The following CCDC66 variants were observed in gnomAD, a reference collection of about 807,000 sequenced individuals.
CCDC66 encodes coiled-coil domain containing 66, also known as coiled-coil domain-containing protein 66.
Under a neutral mutation model 128.3 loss-of-function variants are expected in CCDC66, and 133 were observed. The observed-to-expected ratio is 1.04, with a 90% CI of 0.90 to 1.20. The LOEUF (loss-of-function observed/expected upper bound fraction) is 1.20, where lower values mean the gene tolerates loss of function less well. Ranked by LOEUF, CCDC66 falls within the 50% of genes most tolerant of loss-of-function variation. The pLI, the probability that CCDC66 is intolerant of heterozygous loss-of-function variation, is 0.00. For synonymous variants in CCDC66, 387 were observed against 357.0 expected, an observed-to-expected ratio of 1.08 and a Z score of -0.95; for missense variants, 1,126 against 1,075.5, an observed-to-expected ratio of 1.05 and a Z score of -0.66.
In CCDC66 at chr3:56,618,197, C is replaced by A; in HGVS notation, c.2363C>A (p.Ser788Ter). The change falls in exon 15 of 18, where the codon TCA becomes TAA. Residue 788 changes from serine to a stop codon, truncating the protein, a stop_gained. Coordinates refer to ENST00000394672, the MANE Select transcript of CCDC66 (RefSeq NM_001141947.3). LOFTEE classifies it high-confidence loss of function. The stretch of plus-strand genomic sequence containing the variant: ...GAAGAAGAGCCTCTGAATATTCATT[C>A]ATTCAGCAAGGAAAGGTAAGTATGC... ...KKEEEPLNIH[S>*]FSKERSPSSP... 6.2e-7 allele frequency: 1 copy of A among 1,613,014 alleles called. No homozygotes were observed. The highest frequency in any genetic ancestry group is 8.5e-7 in the Non-Finnish European group (1 of 1,179,060).
chr3:56,615,865 A>T, intron 12 of CCDC66, 57 bp from the exon 13 acceptor site: 1 of 1,446,662 alleles, frequency 6.9e-7, no homozygotes, highest in South Asian at 1.2e-5. Flanking sequence ...GCTGCTATAC[A>T]TAATTTTTAT....
intron 7 of CCDC66, among the ~76,000 whole-genome samples, chr3:56,587,602 G>A (rs117829040): frequency 0.05 from 7,679 of 152,330 alleles, 279 homozygotes; most frequent in South Asian, 0.16. Flanking sequence ...TGGGCGTGGT[G>A]GCTCATGCCT....
chr3:56,617,276 T>C lies in CCDC66; in HGVS notation c.2008T>C (p.Leu670=). The change falls in exon 14 of 18, where the codon TTA becomes CTA. Residue 670 remains leucine, a synonymous_variant. Transcript: ENST00000394672. The part of the protein sequence containing the change: ...QELTQDKGAS[L]EKENNRCNDQ... ...ACTAACTCAGGATAAAGGAGCCAGC[T>C]TAGAAAAAGAAAACAATCGGTGTAA... The C allele has an allele frequency of 6.2e-7, 1 of 1,613,622 alleles. No homozygotes were observed. Among genetic ancestry groups the C allele is most frequent in the Non-Finnish European group, 8.5e-7 (1 of 1,179,916 alleles).
intron 10 of CCDC66, among the ~76,000 whole-genome samples, chr3:56,596,834 C>T (rs75296869): frequency 0.048 from 7,241 of 149,490 alleles, 198 homozygotes; most frequent in East Asian, 0.088. Flanking sequence ...AGCTCACTGC[C>T]GCCTCCACCT....
chr3:56,577,292 GT>G (rs1267710426), intron 7 of CCDC66, among the ~76,000 whole-genome samples: 2 of 151,326 alleles, frequency 1.3e-5, no homozygotes, highest in African/African-American at 4.8e-5. Context: ...TTATAAATTT[GT>G]TTAAGTTATT....
rs146892187 is a variant in CCDC66 at position 56,621,592 on chromosome 3, G to A, written c.2821G>A (p.Glu941Lys). The A allele has an allele frequency of 6.3e-7, 1 of 1,598,848 alleles. No homozygotes were observed. The highest frequency in any genetic ancestry group is 8.5e-7 in the Non-Finnish European group (1 of 1,173,264). The change falls in exon 18 of 18, where the codon GAA becomes AAA. Residue 941 changes from glutamate to lysine, a missense_variant. Physicochemically the swap from Glu to Lys is moderately conservative, Grantham distance 56. Transcript: ENST00000394672. Reference sequence around the variant, plus strand: ...TCTCCTGCCTTTAGCTGAAAATCAAGAAGAGAGTTTTGGTTCTTCATTTTA... The same window carrying A: ...TCTCCTGCCTTTAGCTGAAAATCAAAAAGAGAGTTTTGGTTCTTCATTTTA... Reference protein sequence around the residue: ...SSLLPLAENQEESFGSSF With the variant: ...SSLLPLAENQKESFGSSF
rs936387482 is a variant in CCDC66, at chr3:56,617,889, C to T, written c.2338-283C>T. The T allele has an allele frequency of 5.7e-5, 32 of 564,862 alleles. 1 individual carries two copies. The Admixed American group carries it at 6.5e-4, about 12-fold the overall frequency. The allele number at this position is 564,862 out of a possible 1,614,324, so 35.0% of individuals were successfully genotyped here. On this transcript the variant is annotated intron_variant, in intron 14 of 17. Transcript: ENST00000394672. Reference sequence around the variant, plus strand: ...GCTGAAAAGGTTTCCTTATGCTTATCGAGTCCTTTACACTTACACAACTTC... The same window carrying T: ...GCTGAAAAGGTTTCCTTATGCTTATTGAGTCCTTTACACTTACACAACTTC...
At chr3:56,592,048 T>A (rs891050002) in intron 7 of CCDC66, among the ~76,000 whole-genome samples, 1 of 152,260 alleles carries the variant, frequency 6.6e-6, no homozygotes. Flanking sequence ...AGCAAACTTT[T>A]ATGCTACTGT....
chr3:56,610,802 GC>G (rs2074689133), intron 10 of CCDC66, among the ~76,000 whole-genome samples: 1 of 152,176 alleles, frequency 6.6e-6, no homozygotes, highest in Admixed American at 6.5e-5. Context: ...TGTGGATGTT[GC>G]TTCCTGTGAG....
At chr3:56,562,668 CGTT>C (rs1399471667) in intron 3 of CCDC66, among the ~76,000 whole-genome samples, 7 of 151,830 alleles carry the variant, frequency 4.6e-5, no homozygotes, top group East Asian at 2.0e-4. Flanking sequence ...GATGAAGTTT[CGTT>C]GTTGTTGCCC....
At chr3:56,581,863 G>A (rs2068445227) in intron 7 of CCDC66, among the ~76,000 whole-genome samples, 1 of 151,870 alleles carries the variant, frequency 6.6e-6, no homozygotes, top group South Asian at 2.1e-4. Context: ...TCGGTGGTTA[G>A]GGACCCACAT....
chr3:56,596,537 C>G (rs750632796), intron 10 of CCDC66, among the ~76,000 whole-genome samples: 1 of 151,138 alleles, frequency 6.6e-6, no homozygotes, highest in Non-Finnish European at 1.5e-5. Context: ...ACTGAATATT[C>G]AAACTGGGGG....
rs146529468 is a variant in CCDC66, at chr3:56,577,472, G to A, written c.936+6170G>A. Among the ~76,000 whole-genome samples the A allele has an allele frequency of 2.8e-3, 431 of 151,832 alleles. 6 individuals are homozygous for A. The highest frequency in any genetic ancestry group is 0.01 in the African/African-American group (417 of 41,500). ...TTAGCTTTTGTTGCCATTGCTTTTG[G>A]TGTTTTAGTCATTTTGTCCATGATG... On this transcript the variant is annotated intron_variant, in intron 7 of 17. Transcript: ENST00000394672.
intron 12 of CCDC66, 162 bp downstream of exon 12, chr3:56,615,434 G>A: frequency 4.4e-6 from 3 of 681,348 alleles, no homozygotes; most frequent in Non-Finnish European, 6.9e-6. Context: ...TGTAGACATG[G>A]AATCTCGCTT....
chr3:56,588,234 TA>T lies in CCDC66; in HGVS notation c.937-4734del, dbSNP rs533469104. ...ACCAAACATCTTATGTTCTCACTCATAAGTGGGAGCTAAGCTATGAGGATGC... is the reference window on the plus strand; with the variant it reads ...ACCAAACATCTTATGTTCTCACTCATAGTGGGAGCTAAGCTATGAGGATGC... On this transcript the variant is annotated intron_variant, in intron 7 of 17. Coordinates refer to ENST00000394672, the MANE Select transcript of CCDC66 (RefSeq NM_001141947.3). Among the ~76,000 whole-genome samples, 301 of 152,274 alleles carry T rather than the reference TA, an allele frequency of 2.0e-3. 12 individuals are homozygous for T. The South Asian group carries it at 0.058, about 29-fold the overall frequency.
Position 56,593,751 on chromosome 3 carries a change from T to C in CCDC66, c.1319+10T>C, listed in dbSNP as rs1169633494. 4.4e-6 allele frequency: 7 copies of C among 1,606,600 alleles called. No homozygotes were observed. The highest frequency in any genetic ancestry group is 6.0e-6 in the Non-Finnish European group (7 of 1,174,026). Reference sequence around the variant, plus strand: ...ACAGTAAGAAAACAAAGTAAGTTCATGCTTATGTATTTATTGACTTTTCAG... The same window carrying C: ...ACAGTAAGAAAACAAAGTAAGTTCACGCTTATGTATTTATTGACTTTTCAG... On this transcript the variant is annotated intron_variant, in intron 9 of 17. Transcript: ENST00000394672.
At chr3:56,580,464 G>C (rs1302752351) in intron 7 of CCDC66, among the ~76,000 whole-genome samples, 2 of 151,750 alleles carry the variant, frequency 1.3e-5, no homozygotes, top group African/African-American at 4.8e-5. Context: ...GATGTTAGCT[G>C]GTTATTTTGC....
At position 56,621,159 on chromosome 3, in the gene CCDC66, C is replaced by CAAA. The variant is rs370427287; in HGVS notation, c.2761-366_2761-364dup. On this transcript the variant is annotated intron_variant, in intron 17 of 17. Coordinates refer to ENST00000394672, the MANE Select transcript of CCDC66 (RefSeq NM_001141947.3). ...GGGCGACAGAGCGAGACTCCATCTC[C>CAAA]AAAAAAAAACAAAACAACAACAACA... 7.2e-3 allele frequency: 1,027 copies of CAAA among 142,622 alleles called. 15 individuals are homozygous for CAAA. Among genetic ancestry groups the CAAA allele is most frequent in the African/African-American group, 0.023 (896 of 38,404 alleles). 8.8% of individuals were successfully genotyped at this position (142,622 alleles called of 1,614,324 possible). A position where few individuals can be genotyped will look rare whatever the true frequency, so the allele number is the denominator to read the frequency against.
chr3:56,588,587 G>A (rs78660090), intron 7 of CCDC66, among the ~76,000 whole-genome samples: 2,677 of 152,202 alleles, frequency 0.018, 39 homozygotes, highest in Non-Finnish European at 0.029. Flanking sequence ...CACCAAGTGG[G>A]GTGATGTTAA....
Sources: allele counts gnomAD v4.1 joint callset (sites outside exome capture counted in the v4.1 genomes callset), GRCh38; gene constraint gnomAD v4.1.1; transcripts MANE v1.5; gene names NCBI Gene and HGNC (gene_info 2026-07-23, HGNC 2026-07-21).